Variants in P3H2 observed in about 807,000 individuals in gnomAD.
The protein encoded by P3H2 is leprecan-like 1.
P3H2 carries 80 observed loss-of-function variants against 87.0 expected under a neutral mutation model. The ratio of observed to expected loss-of-function variants is 0.92; its 90% confidence interval spans 0.77 to 1.11. The LOEUF (loss-of-function observed/expected upper bound fraction) is 1.11. Among genes scored for constraint, P3H2 ranks in the 50% least tolerant of loss-of-function variants. P3H2 has a pLI of 0.00. For missense variants in P3H2, 1,001 were observed against 923.9 expected (o/e 1.08, Z -1.08); for synonymous variants, 367 against 359.3 (o/e 1.02, Z -0.24).
intron 1 of P3H2, among the ~76,000 whole-genome samples, chr3:190,036,167 T>C (rs1426124673): frequency 2.0e-5 from 3 of 152,194 alleles, no homozygotes; most frequent in Admixed American, 1.3e-4. Context: ...AAGTCACAGT[T>C]TGTCTCCCTT....
At position 190,087,353 on chromosome 3, in the gene P3H2, A is replaced by G. The variant is rs549659915; in HGVS notation, c.480+32899T>C. On this transcript the variant is annotated intron_variant, in intron 1 of 14. Transcript: ENST00000319332. Reference sequence around the variant, plus strand: ...AGATCGAGACCATCCTGGCTAACAGAGTGAAACCCCATCTCTACTAAAAAT... The same window carrying G: ...AGATCGAGACCATCCTGGCTAACAGGGTGAAACCCCATCTCTACTAAAAAT... Among the ~76,000 whole-genome samples, 76 of 151,790 alleles carry G rather than the reference A, an allele frequency of 5.0e-4. 1 individual carries two copies. Among genetic ancestry groups the G allele is most frequent in the African/African-American group, 1.3e-3 (54 of 41,348 alleles).
intron 1 of P3H2, among the ~76,000 whole-genome samples, chr3:190,037,942 T>C (rs571272890): frequency 6.6e-6 from 1 of 152,152 alleles, no homozygotes; most frequent in African/African-American, 2.4e-5. Flanking sequence ...CCTGCCTAAG[T>C]TGAAACTTCT....
At chr3:190,054,775 C>T (rs531896159) in intron 1 of P3H2, among the ~76,000 whole-genome samples, 45 of 152,286 alleles carry the variant, frequency 3.0e-4, no homozygotes, top group African/African-American at 9.9e-4. Context: ...GCCCCCATCC[C>T]CTCACCTCAC....
rs60227697 is a variant in P3H2 at position 190,071,978 on chromosome 3, G to GTTT, written c.480+48271_480+48273dup. Among the ~76,000 whole-genome samples the GTTT allele has an allele frequency of 6.1e-3, 722 of 119,204 alleles. 14 individuals carry two copies. Among genetic ancestry groups the GTTT allele is most frequent in the African/African-American group, 9.8e-3 (289 of 29,594 alleles). The allele number at this position is 119,204 out of a possible 152,430, so 78.2% of individuals were successfully genotyped here. A position where few individuals can be genotyped will look rare whatever the true frequency, so the allele number is the denominator to read the frequency against. ...AATGCATATTAAAACAAGATGAAGG[G>GTTT]TTTTTTTTTTTTTTTTTTTTGAGGC... On this transcript the variant is annotated intron_variant, in intron 1 of 14. Coordinates refer to ENST00000319332, the MANE Select transcript of P3H2 (RefSeq NM_018192.4).
intron 9 of P3H2, 134 bp from the exon 10 acceptor site, chr3:189,974,138 G>T: frequency 1.4e-6 from 1 of 735,938 alleles, no homozygotes; most frequent in Non-Finnish European, 2.4e-6. Flanking sequence ...CCAGGATGCT[G>T]GTATAACTAT....
rs1028480189 is a variant in P3H2 at position 189,994,342 on chromosome 3, C to G, written c.634-59G>C. The G allele has an allele frequency of 5.6e-6, 6 of 1,068,000 alleles. No individual in the cohort carries two copies. The African/African-American group carries it at 6.0e-5, about 11-fold the overall frequency. The allele number at this position is 1,068,000 out of a possible 1,614,324, so 66.2% of individuals were successfully genotyped here. On this transcript the variant is annotated intron_variant, in intron 2 of 14. Transcript: ENST00000319332. ...CAAACAAACAAACAAACAAAAAAACCCTTATTTTCAAAGAGAAGGGTTTTT... is the reference window on the plus strand; with the variant it reads ...CAAACAAACAAACAAACAAAAAAACGCTTATTTTCAAAGAGAAGGGTTTTT...
chr3:190,018,301 T>G (rs888306047), intron 1 of P3H2, among the ~76,000 whole-genome samples: 1 of 152,220 alleles, frequency 6.6e-6, no homozygotes, highest in Non-Finnish European at 1.5e-5. Flanking sequence ...ATGGTTATCA[T>G]GTATTGTGCC....
At chr3:190,121,339 T>TA (rs5855306), upstream of P3H2, among the ~76,000 whole-genome samples, 357 of 140,762 alleles carry the variant, frequency 2.5e-3, 2 homozygotes, top group African/African-American at 7.4e-3. Flanking sequence ...AACGTAAAGT[T>TA]AAAAAAAAAA....
rs68094675 is a variant in P3H2 at position 190,095,597 on chromosome 3, CTTT to C, written c.480+24652_480+24654del. 9.9e-5 allele frequency among the ~76,000 whole-genome samples: 13 copies of C among 131,842 alleles called. No individual in the cohort carries two copies. In the South Asian group the frequency reaches 1.5e-3, roughly 15 times the overall value. 86.5% of individuals were successfully genotyped at this position (131,842 alleles called of 152,430 possible). On this transcript the variant is annotated intron_variant, in intron 1 of 14. Transcript: ENST00000319332. ...AAAAAACAAAAACAAGTTGTGATTC[CTTT>C]TTTTTTTTTTTTTCCTTTAAAACGG... is the stretch of plus-strand genomic sequence containing the variant.
chr3:190,117,757 G>A, intron 1 of P3H2, among the ~76,000 whole-genome samples: 1 of 151,026 alleles, frequency 6.6e-6, no homozygotes, highest in Admixed American at 6.6e-5. Flanking sequence ...GGCTGGGGGA[G>A]GGGGGTGAAG....
intron 1 of P3H2, among the ~76,000 whole-genome samples, chr3:190,118,712 ACCCTAC>A: frequency 6.6e-6 from 1 of 152,018 alleles, no homozygotes. Context: ...ATCTGAGAGA[ACCCTAC>A]CACAGATGAG....
chr3:190,083,978 T>TTA (rs1481674128), intron 1 of P3H2, among the ~76,000 whole-genome samples: 1 of 152,248 alleles, frequency 6.6e-6, no homozygotes, highest in Non-Finnish European at 1.5e-5. Flanking sequence ...CCTAATGTAC[T>TTA]CCATTCTCAT....
intron 1 of P3H2, among the ~76,000 whole-genome samples, chr3:190,045,804 C>T (rs1725780548): frequency 6.6e-6 from 1 of 151,550 alleles, no homozygotes; most frequent in Admixed American, 6.6e-5. Flanking sequence ...CTCCTGTAGA[C>T]AGAAGCCTCA....
intron 13 of P3H2, chr3:189,969,344 G>T: frequency 1.2e-6 from 1 of 855,326 alleles, no homozygotes; most frequent in Non-Finnish European, 2.0e-6. Flanking sequence ...ATAAAACGAG[G>T]TCCCTCAGTT....
At chr3:190,120,992 C>G, upstream of P3H2, 1 of 495,770 alleles carries the variant, frequency 2.0e-6, no homozygotes. Flanking sequence ...CTCCCAGGCT[C>G]CCCGCTGCAG....
At chr3:190,036,482 C>CGACAAGCTTCATCCCACA in intron 1 of P3H2, among the ~76,000 whole-genome samples, 1 of 21,236 alleles carries the variant, frequency 4.7e-5, no homozygotes, top group South Asian at 1.6e-3. Context: ...ACTTTATAGT[C>CGACAAGCTTCATCCCACA]GACATGATAA....
intron 1 of P3H2, among the ~76,000 whole-genome samples, chr3:190,034,156 C>T (rs1375980911): frequency 6.6e-6 from 1 of 152,070 alleles, no homozygotes; most frequent in South Asian, 2.1e-4. Flanking sequence ...TGTGCATAGA[C>T]CTCTTTTATA....
intron 1 of P3H2, among the ~76,000 whole-genome samples, chr3:190,033,976 T>C (rs1047993981): frequency 2.0e-5 from 3 of 152,238 alleles, no homozygotes; most frequent in Non-Finnish European, 4.4e-5. Flanking sequence ...GCTTATATTT[T>C]CTGCTTTTAG....
chr3:189,987,985 C>A (rs1723759043), intron 4 of P3H2, among the ~76,000 whole-genome samples: 1 of 152,140 alleles, frequency 6.6e-6, no homozygotes, highest in South Asian at 2.1e-4. Context: ...TGAGTTAATT[C>A]TGATTTTTGT....
Sources: gnomAD v4.1 joint callset for allele counts (sites outside exome capture counted in the v4.1 genomes callset) on GRCh38, gnomAD v4.1.1 for gene constraint, MANE v1.5 for transcripts, NCBI Gene and HGNC (gene_info 2026-07-23, HGNC 2026-07-21) for gene names.